The following C1orf159 variants were observed in gnomAD, a reference collection of about 807,000 sequenced individuals.
C1orf159 encodes the protein chromosome 1 open reading frame 159.
A neutral mutation model predicts 25.6 loss-of-function variants in C1orf159; 19 were observed. The observed-to-expected ratio is 0.74, with a 90% confidence interval of 0.52 to 1.09. The LOEUF (loss-of-function observed/expected upper bound fraction) is 1.09, where lower values mean the gene tolerates loss of function less well. Ranked by LOEUF, C1orf159 falls within the 50% of genes least tolerant of loss-of-function variation. The probability of loss-of-function intolerance (pLI) is 0.00; values close to 1 mark genes in which losing one functional copy is unlikely to be tolerated. For synonymous variants in C1orf159, 139 were observed against 124.7 expected (o/e 1.12, Z -0.77); for missense variants, 274 against 290.6 (o/e 0.94, Z 0.42).
rs66479107 is a variant in C1orf159 at position 1,108,707 on chromosome 1, G to A, written c.-136+7353C>T. Among the ~76,000 whole-genome samples, 35 of 17,146 alleles carry A rather than the reference G, an allele frequency of 2.0e-3. 4 individuals carry two copies. The highest frequency in any genetic ancestry group is 7.6e-3 in the African/African-American group (12 of 1,574). The allele number at this position is 17,146 out of a possible 152,430, so 11.2% of individuals were successfully genotyped here. A position where few individuals can be genotyped will look rare whatever the true frequency, so the allele number is the denominator to read the frequency against. Reference sequence around the variant, plus strand: ...ACCATGTCTCAGCACCATCCACCACGGCCACCATGTCTCAGCAGCACCGTC... The same window carrying A: ...ACCATGTCTCAGCACCATCCACCACAGCCACCATGTCTCAGCAGCACCGTC... On this transcript the variant is annotated intron_variant, in intron 1 of 9. Coordinates refer to ENST00000421241, the MANE Select transcript of C1orf159 (RefSeq NM_017891.5).
intron 1 of C1orf159, among the ~76,000 whole-genome samples, chr1:1,112,252 G>A (rs577756199): frequency 1.4e-4 from 21 of 152,238 alleles, no homozygotes; most frequent in South Asian, 2.1e-4. Context: ...CAGGAACTGG[G>A]CGAGTTGGCT....
intron 3 of C1orf159, chr1:1,090,774 G>T: frequency 9.9e-7 from 1 of 1,011,016 alleles, no homozygotes; most frequent in South Asian, 1.4e-5. Flanking sequence ...GTTTCCGCTT[G>T]ACCCCACAGA....
rs914419734 is a variant in C1orf159 at position 1,087,396 on chromosome 1, T to G, written c.244+106A>C. ...GGGGGCTCCCGGGGCTGTTCCCCAGTGGACAGTGGCTCTGGGGCAAGGTGG... is the reference window on the plus strand; with the variant it reads ...GGGGGCTCCCGGGGCTGTTCCCCAGGGGACAGTGGCTCTGGGGCAAGGTGG... On this transcript the variant is annotated intron_variant, in intron 5 of 9. Transcript: ENST00000421241. The surrounding 1 kb of genome is among the most constrained non-coding windows in gnomAD (Gnocchi z 8.3). 1.6e-6 allele frequency: 2 copies of G among 1,235,534 alleles called. No homozygotes were observed. Among genetic ancestry groups the G allele is most frequent in the African/African-American group, 1.5e-5 (1 of 66,258 alleles). The allele number at this position is 1,235,534 out of a possible 1,614,324, so 76.5% of individuals were successfully genotyped here. A position where few individuals can be genotyped will look rare whatever the true frequency, so the allele number is the denominator to read the frequency against.
In C1orf159 at chr1:1,082,980, C is replaced by T. The variant is rs1448981404; in HGVS notation, c.510G>A (p.Lys170=). 6.3e-7 allele frequency: 1 copy of T among 1,598,008 alleles called. No individual in the cohort carries two copies. The highest frequency in any genetic ancestry group is 1.3e-5 in the African/African-American group (1 of 74,782). The change falls in exon 10 of 10, where the codon AAG becomes AAA. Residue 170 remains lysine (K), a synonymous_variant. Transcript: ENST00000421241. ...GCCGCTCCCGCCTGACGTAGCGCGG[C>T]TTCCGTACTGAAACGGGTCAGAGAC... ...MIPPPQSSVR[K]PRYVRRERPL...
intron 1 of C1orf159, among the ~76,000 whole-genome samples, chr1:1,104,718 C>T (rs919824938): frequency 6.6e-6 from 1 of 151,986 alleles, no homozygotes; most frequent in Admixed American, 6.6e-5. Flanking sequence ...CTGCTTGAGC[C>T]CAGGAGTTCG....
At position 1,087,825 on chromosome 1, in the gene C1orf159, G is replaced by A. The variant is rs754705931; in HGVS notation, c.149-228C>T. Among the ~76,000 whole-genome samples the A allele has an allele frequency of 7.3e-5, 11 of 150,570 alleles. No homozygotes were observed. The highest frequency in any genetic ancestry group is 1.2e-4 in the Non-Finnish European group (8 of 67,538). Reference sequence around the variant, plus strand: ...TGCGCACCCTGACCCTGAGTACTCCGACCCCAAGTACTCCACGCTGCACTC... The same window carrying A: ...TGCGCACCCTGACCCTGAGTACTCCAACCCCAAGTACTCCACGCTGCACTC... On this transcript the variant is annotated intron_variant, in intron 4 of 9. Transcript: ENST00000421241. The surrounding 1 kb of genome is among the most constrained non-coding windows in gnomAD (Gnocchi z 8.3).
Position 1,085,927 on chromosome 1 carries a change from G to A in C1orf159, c.396C>T (p.Tyr132=), listed in dbSNP as rs766474957. ...TGGGGAGTTTACTGGAGCGCTTGAG[G>A]TAGAAGAACCCAGCTACGGAGAGGA... ...GLILSVAGFF[Y]LKRSSKLPRA... Residue 132 remains tyrosine (Y), a synonymous_variant, in exon 7 of 10, where the codon TAC becomes TAT. Transcript: ENST00000421241. The A allele has an allele frequency of 1.9e-6, 3 of 1,613,386 alleles. No individual in the cohort carries two copies. The South Asian group carries it at 3.3e-5, about 18-fold the overall frequency.
At chr1:1,102,668 G>GCAC (rs1169720916) in intron 1 of C1orf159, among the ~76,000 whole-genome samples, 1 of 147,870 alleles carries the variant, frequency 6.8e-6, no homozygotes, top group Non-Finnish European at 1.5e-5. Flanking sequence ...CGTAGTGGTG[G>GCAC]GCACCTGTAG....
chr1:1,107,148 C>T (rs950690138), intron 1 of C1orf159, among the ~76,000 whole-genome samples: 6 of 152,264 alleles, frequency 3.9e-5, no homozygotes, highest in African/African-American at 7.2e-5. Flanking sequence ...AGGAGTGTAG[C>T]GCACGGCACT....
intron 1 of C1orf159, among the ~76,000 whole-genome samples, chr1:1,099,168 C>T (rs571365487): frequency 2.3e-4 from 33 of 140,604 alleles, no homozygotes; most frequent in Admixed American, 4.9e-4. Flanking sequence ...TTCTAAGAAT[C>T]GGAGAGAGAT....
chr1:1,085,925 A>G lies in C1orf159; in HGVS notation c.398T>C (p.Leu133Pro). Residue 133 changes from leucine (L) to proline (P), a missense_variant, in exon 7 of 10, where the codon CTC becomes CCC. Physicochemically the swap from Leu to Pro is moderately conservative, Grantham distance 98 (BLOSUM62 -3). Transcript: ENST00000421241. ...CCTGGGGAGTTTACTGGAGCGCTTG[A>G]GGTAGAAGAACCCAGCTACGGAGAG... ...LILSVAGFFY[L>P]KRSSKLPRAC... The G allele has an allele frequency of 1.9e-6, 3 of 1,613,300 alleles. No individual in the cohort carries two copies. Among genetic ancestry groups the G allele is most frequent in the Non-Finnish European group, 2.5e-6 (3 of 1,179,792 alleles).
intron 4 of C1orf159, among the ~76,000 whole-genome samples, chr1:1,088,153 G>GC (rs1645864911): frequency 2.4e-5 from 1 of 40,956 alleles, no homozygotes; most frequent in Non-Finnish European, 4.5e-5. Context: ...CCTCCCCCAA[G>GC]ACCCCCCCCA....
Position 1,087,644 on chromosome 1 carries a change from C to T in C1orf159, c.149-47G>A, listed in dbSNP as rs1645853183. On this transcript the variant is annotated intron_variant, in intron 4 of 9. Transcript: ENST00000421241. The surrounding 1 kb of genome is among the most constrained non-coding windows in gnomAD (Gnocchi z 8.3). ...CATGTCAGCCAAAGCAAAATCCACA[C>T]CAGCTGGGTCTCCTGGGAATGATTC... The T allele has an allele frequency of 2.3e-6, 3 of 1,329,992 alleles. No homozygotes were observed. Among genetic ancestry groups the T allele is most frequent in the Middle Eastern group, 1.8e-4 (1 of 5,542 alleles). The allele number at this position is 1,329,992 out of a possible 1,614,324, so 82.4% of individuals were successfully genotyped here.
intron 7 of C1orf159, among the ~76,000 whole-genome samples, chr1:1,084,810 C>T (rs1025044678): frequency 2.6e-5 from 4 of 152,158 alleles, no homozygotes; most frequent in East Asian, 3.9e-4. Flanking sequence ...GGGACAAGCC[C>T]CCCTCATGAG....
In C1orf159 at chr1:1,097,584, A is replaced by ATTTT. The variant is rs71576596; in HGVS notation, c.-135-5485_-135-5482dup. On this transcript the variant is annotated intron_variant, in intron 1 of 9. Transcript: ENST00000421241. Reference sequence around the variant, plus strand: ...CGAGCCACCACACCCAGCTCATTAAATTTTTTTTTTTTTTTTTTTGTAGAG... The same window carrying ATTTT: ...CGAGCCACCACACCCAGCTCATTAAATTTTTTTTTTTTTTTTTTTTTTTGTAGAG... Among the ~76,000 whole-genome samples the ATTTT allele has an allele frequency of 1.1e-3, 140 of 126,528 alleles. 1 individual carries two copies. Among genetic ancestry groups the ATTTT allele is most frequent in the African/African-American group, 4.2e-3 (130 of 31,254 alleles). 83.0% of individuals were successfully genotyped at this position (126,528 alleles called of 152,430 possible).
At chr1:1,103,993 CT>C (rs34796184) in intron 1 of C1orf159, among the ~76,000 whole-genome samples, 10 of 149,432 alleles carry the variant, frequency 6.7e-5, no homozygotes, top group Admixed American at 2.7e-4. Flanking sequence ...AGAATTTTTA[CT>C]TTTTTTTTTC....
chr1:1,113,854 G>A (rs903843762), intron 1 of C1orf159, among the ~76,000 whole-genome samples: 13 of 152,026 alleles, frequency 8.6e-5, no homozygotes, highest in Non-Finnish European at 1.8e-4. Context: ...GCGGCTGCGG[G>A]CACTTGGGAG....
chr1:1,096,984 C>A (rs531992690), intron 1 of C1orf159, among the ~76,000 whole-genome samples: 1 of 152,366 alleles, frequency 6.6e-6, no homozygotes, highest in South Asian at 2.1e-4. Context: ...AACAATCCTC[C>A]TGCCTCGGTC....
At chr1:1,114,557 G>C (rs1001104038) in intron 1 of C1orf159, among the ~76,000 whole-genome samples, 4 of 152,220 alleles carry the variant, frequency 2.6e-5, no homozygotes, top group African/African-American at 9.6e-5. Context: ...GGGCTGAGGT[G>C]ACTGCGTGTG....
Sources: gnomAD v4.1 joint callset for allele counts (sites outside exome capture counted in the v4.1 genomes callset) on GRCh38, gnomAD v4.1.1 for gene constraint, Gnocchi (gnomAD v3.1) non-coding constraint, MANE v1.5 for transcripts, NCBI Gene and HGNC (gene_info 2026-07-23, HGNC 2026-07-21) for gene names.